The following SEZ6L2 variants were observed in gnomAD, a reference collection of about 807,000 sequenced individuals.
SEZ6L2 encodes seizure 6-like protein 2.
A neutral mutation model predicts 97.0 loss-of-function variants in SEZ6L2; 44 were observed. That is an observed-to-expected ratio of 0.45 (90% CI 0.36 to 0.58). SEZ6L2 has a LOEUF of 0.58. SEZ6L2 is among the 20% of genes least tolerant of loss of function. The pLI is 0.00. For missense variants in SEZ6L2, 1,086 were observed against 1,233.3 expected, an observed-to-expected ratio of 0.88 and a Z score of 1.79; for synonymous variants, 543 against 546.1, an observed-to-expected ratio of 0.99 and a Z score of 0.08.
intron 7 of SEZ6L2, among the ~76,000 whole-genome samples, chr16:29,886,174 G>A (rs2068136862): frequency 6.6e-6 from 1 of 152,122 alleles, no homozygotes; most frequent in African/African-American, 2.4e-5. Context: ...TTCAAGACCA[G>A]GCTGGCCAAC....
chr16:29,892,973 G>A (rs1425585049), intron 5 of SEZ6L2, among the ~76,000 whole-genome samples: 1 of 152,092 alleles, frequency 6.6e-6, no homozygotes, highest in African/African-American at 2.4e-5. Flanking sequence ...CCCCTTTCCT[G>A]CCCCCAGAAG....
Position 29,897,024 on chromosome 16 carries a change from C to A in SEZ6L2, c.309G>T (p.Leu103=). The A allele has an allele frequency of 6.3e-7, 1 of 1,582,032 alleles. No homozygotes were observed. Among genetic ancestry groups the A allele is most frequent in the African/African-American group, 1.3e-5 (1 of 74,722 alleles). ...CCCCGTTAGGGGTGACGGCTGTTGT[C>A]AGAGGCCCTGTCCCCGGCTCAGTGG... ...PRATEPGTGP[L]TTAVTPNGVR... is the part of the protein sequence containing the mutation. Residue 103 remains leucine (L), a synonymous_variant, in exon 3 of 18, where the codon CTG becomes CTT. Coordinates refer to ENST00000617533, the MANE Select transcript of SEZ6L2 (RefSeq NM_001243332.2).
At chr16:29,890,535 A>G (rs1216433127) in intron 5 of SEZ6L2, among the ~76,000 whole-genome samples, 1 of 152,032 alleles carries the variant, frequency 6.6e-6, no homozygotes, top group African/African-American at 2.4e-5. Flanking sequence ...CCTACACAAC[A>G]CAGTTTTGTG....
At chr16:29,872,675 G>C in intron 15 of SEZ6L2, 30 bp downstream of exon 15, 1 of 1,611,766 alleles carries the variant, frequency 6.2e-7, no homozygotes, top group Non-Finnish European at 8.5e-7. Flanking sequence ...AACCTGGCCA[G>C]CCTGGGTCTC....
Position 29,895,443 on chromosome 16 carries a change from C to T in SEZ6L2, c.669G>A (p.Leu223=), listed in dbSNP as rs74017647. The T allele has an allele frequency of 6.2e-7, 1 of 1,613,966 alleles. No homozygotes were observed. The highest frequency in any genetic ancestry group is 1.7e-5 in the Admixed American group (1 of 60,000). The change falls in exon 5 of 18, where the codon CTG becomes CTA. Residue 223 remains leucine, a synonymous_variant. Transcript: ENST00000617533. ...GIEIQVQTLN[L]SQEEELLVLA... is the part of the protein sequence containing the mutation. ...GCACCAGGAGCTCCTCTTCCTGTGA[C>T]AGGTTCAGCGTCTGCACCTAGAGAA... is the stretch of plus-strand genomic sequence containing the variant.
chr16:29,897,759 T>C, intron 2 of SEZ6L2, 94 bp downstream of exon 2: 1 of 1,408,004 alleles, frequency 7.1e-7, no homozygotes. Context: ...GCAGTCTCTC[T>C]CTGCCTGCTC....
At chr16:29,897,612 T>A (rs753952512) in intron 2 of SEZ6L2, among the ~76,000 whole-genome samples, 1 of 132,574 alleles carries the variant, frequency 7.5e-6, no homozygotes, top group Non-Finnish European at 1.6e-5. Flanking sequence ...TGTTTCTATG[T>A]GTCTGTTTTT....
Position 29,872,353 on chromosome 16 carries a change from G to A in SEZ6L2, c.2645+56C>T. On this transcript the variant is annotated intron_variant, in intron 16 of 17. Transcript: ENST00000617533. ...CTGAGCTCCCCTGACCCAGGCTCCA[G>A]TGCCAGGCTCGCAAGACGTCTGCCC... The A allele has an allele frequency of 2.5e-6, 4 of 1,603,614 alleles. No homozygotes were observed. In the Middle Eastern group the frequency reaches 5.0e-4, roughly 200 times the overall value.
intron 2 of SEZ6L2, among the ~76,000 whole-genome samples, 195 bp from the exon 3 acceptor site, chr16:29,897,316 C>A (rs1462175304): frequency 1.3e-5 from 2 of 150,734 alleles, no homozygotes; most frequent in Admixed American, 6.6e-5. Flanking sequence ...CTGAGTCCCC[C>A]CTCTTTCTCT....
Position 29,899,171 on chromosome 16 carries a change from C to A in SEZ6L2, c.-152G>T, listed in dbSNP as rs2068477914. On this transcript the variant is annotated 5_prime_UTR_variant, in exon 1 of 18. Coordinates refer to ENST00000617533, the MANE Select transcript of SEZ6L2 (RefSeq NM_001243332.2). ...AGCAAAGAAAGACAATTTCTCTGCC[C>A]CTTGGGATGGAGGGGCAGAATTGGG... 3.1e-6 allele frequency: 2 copies of A among 635,654 alleles called. No homozygotes were observed. Among genetic ancestry groups the A allele is most frequent in the African/African-American group, 4.0e-5 (2 of 49,880 alleles). 39.4% of individuals were successfully genotyped at this position (635,654 alleles called of 1,614,324 possible). A position where few individuals can be genotyped will look rare whatever the true frequency, so the allele number is the denominator to read the frequency against.
In SEZ6L2 at chr16:29,897,979, G is replaced by C. The variant is rs1472560711; in HGVS notation, c.85C>G (p.Pro29Ala). 2.5e-6 allele frequency: 4 copies of C among 1,613,202 alleles called. No individual in the cohort carries two copies. In the South Asian group the frequency reaches 3.3e-5, roughly 13 times the overall value. ...GGCAATATCTCCTCCTCCTTCAGGG[G>C]CAGACCTAGGAGGTGAAGTTGTGTG... ...LLSCPWIQGL[P>A]LKEEEILPEP... is the part of the protein sequence containing the mutation. Residue 29 changes from proline (P) to alanine (A), a missense_variant, in exon 2 of 18, where the codon CCC (proline) becomes GCC (alanine). Physicochemically the swap from Pro to Ala is conservative, Grantham distance 27 (BLOSUM62 -1). This residue lies in a region of SEZ6L2 where 776 missense variants were observed against 794.7 expected (regional missense o/e 0.98). Transcript: ENST00000617533.
chr16:29,874,862 C>T (rs1432459178), intron 12 of SEZ6L2, among the ~76,000 whole-genome samples: 1 of 151,980 alleles, frequency 6.6e-6, no homozygotes, highest in East Asian at 1.9e-4. Flanking sequence ...TGAGCCACCA[C>T]GGCTGGCCCC....
intron 5 of SEZ6L2, among the ~76,000 whole-genome samples, chr16:29,889,394 G>A (rs933726305): frequency 6.6e-5 from 10 of 151,784 alleles, no homozygotes; most frequent in Non-Finnish European, 1.5e-4. Flanking sequence ...AGCCGAGATC[G>A]TCCCATTGCA....
At chr16:29,871,912 G>T (rs533524501) in intron 17 of SEZ6L2, among the ~76,000 whole-genome samples, 184 bp from the exon 18 acceptor site, 5 of 152,154 alleles carry the variant, frequency 3.3e-5, no homozygotes, top group Non-Finnish European at 7.3e-5. Flanking sequence ...TGAATTTCTG[G>T]CTTGTCTTGA....
At chr16:29,875,082 C>T (rs2067875273) in intron 12 of SEZ6L2, among the ~76,000 whole-genome samples, 1 of 152,092 alleles carries the variant, frequency 6.6e-6, no homozygotes, top group Non-Finnish European at 1.5e-5. Flanking sequence ...ACTATGTTGC[C>T]CAGGCTGTTC....
At chr16:29,875,037 G>A (rs559683621) in intron 12 of SEZ6L2, among the ~76,000 whole-genome samples, 6 of 152,108 alleles carry the variant, frequency 3.9e-5, no homozygotes, top group Non-Finnish European at 7.4e-5. Context: ...ACCATGCCTG[G>A]CTATATTTTT....
intron 9 of SEZ6L2, among the ~76,000 whole-genome samples, chr16:29,879,236 CT>C (rs113698899): frequency 6.7e-6 from 1 of 148,920 alleles, no homozygotes; most frequent in Non-Finnish European, 1.5e-5. Context: ...TTCTTTCTTT[CT>C]TTTTTGAGAC....
intron 12 of SEZ6L2, among the ~76,000 whole-genome samples, chr16:29,874,550 G>GTTTGTTTTTTTT (rs2067859202): frequency 3.1e-5 from 1 of 32,528 alleles, no homozygotes; most frequent in Non-Finnish European, 7.0e-5. Context: ...GTGTGTGCTT[G>GTTTGTTTTTTTT]TTTTTTTTTT....
At position 29,885,696 on chromosome 16, in the gene SEZ6L2, T is replaced by TC. The variant is rs1262099962; in HGVS notation, c.1261dup (p.Asp421GlyfsTer13). The TC allele has an allele frequency of 6.2e-7, 1 of 1,613,776 alleles. No homozygotes were observed. Among genetic ancestry groups the TC allele is most frequent in the Non-Finnish European group, 8.5e-7 (1 of 1,179,942 alleles). On this transcript the variant is annotated frameshift_variant, in exon 8 of 18. Transcript: ENST00000617533. LOFTEE classifies it high-confidence loss of function. Reference sequence around the variant, plus strand: ...ACCCCGCTCGGGGACATCGTCCATGTCCGAATCATAGATCACGGGGGATAG... The same window carrying TC: ...ACCCCGCTCGGGGACATCGTCCATGTCCCGAATCATAGATCACGGGGGATAG...
Sources: allele counts gnomAD v4.1 joint callset (sites outside exome capture counted in the v4.1 genomes callset), GRCh38; gene constraint gnomAD v4.1.1; regional missense constraint gnomAD v4.1.1; transcripts MANE v1.5; gene names NCBI Gene and HGNC (gene_info 2026-07-23, HGNC 2026-07-21).